Variants in DDX4 observed in about 807,000 individuals in gnomAD.
DDX4 encodes the protein probable ATP-dependent RNA helicase DDX4.
Under a neutral mutation model 100.0 loss-of-function variants are expected in DDX4, and 25 were observed. That is an observed-to-expected ratio of 0.25 (90% CI 0.18 to 0.35). The LOEUF (loss-of-function observed/expected upper bound fraction) is 0.35. Ranked by LOEUF, DDX4 falls within the 10% of genes least tolerant of loss-of-function variation. DDX4 has a pLI of 1.00. For synonymous variants in DDX4, 259 were observed against 275.7 expected (o/e 0.94, Z 0.60); for missense variants, 635 against 882.4 (o/e 0.72, Z 3.55).
At chr5:55,812,156 T>A (rs1009132748) in intron 18 of DDX4, among the ~76,000 whole-genome samples, 5 of 152,232 alleles carry the variant, frequency 3.3e-5, no homozygotes, top group African/African-American at 1.2e-4. Context: ...TCAATTTCTT[T>A]ACTTTCTGAG....
At chr5:55,788,362 G>A (rs993944956) in intron 15 of DDX4, among the ~76,000 whole-genome samples, 4 of 152,070 alleles carry the variant, frequency 2.6e-5, no homozygotes, top group South Asian at 4.1e-4. Context: ...TGTTGTCCTA[G>A]GAGTTTAGGA....
chr5:55,748,750 G>A (rs1348096267), intron 3 of DDX4, among the ~76,000 whole-genome samples: 1 of 152,012 alleles, frequency 6.6e-6, no homozygotes, highest in Non-Finnish European at 1.5e-5. Context: ...GAAAAAGGGA[G>A]AAATAAAATA....
intron 4 of DDX4, 67 bp from the exon 5 acceptor site, chr5:55,763,106 TTC>T: frequency 9.7e-7 from 1 of 1,030,898 alleles, no homozygotes; most frequent in Non-Finnish European, 1.5e-6. Flanking sequence ...ATTCATTTAA[TTC>T]TTAGTTTTTG....
intron 18 of DDX4, among the ~76,000 whole-genome samples, chr5:55,799,427 G>A (rs1743165255): frequency 6.6e-6 from 1 of 152,068 alleles, no homozygotes; most frequent in South Asian, 2.1e-4. Context: ...CAAGGCTGGA[G>A]TGCAGTAGCA....
At chr5:55,809,836 A>G (rs1744007112) in intron 18 of DDX4, among the ~76,000 whole-genome samples, 1 of 152,240 alleles carries the variant, frequency 6.6e-6, no homozygotes, top group Admixed American at 6.5e-5. Flanking sequence ...AAGGTTAGAG[A>G]CGTTTTAAAA....
At chr5:55,790,138 C>CTTT (rs35365600) in intron 15 of DDX4, among the ~76,000 whole-genome samples, 34 of 102,030 alleles carry the variant, frequency 3.3e-4, no homozygotes, top group East Asian at 7.2e-4. Flanking sequence ...AAAATATCAC[C>CTTT]TTTTTTTTTT....
At chr5:55,804,957 A>C (rs1743596491) in intron 18 of DDX4, among the ~76,000 whole-genome samples, 1 of 151,758 alleles carries the variant, frequency 6.6e-6, no homozygotes, top group South Asian at 2.1e-4. Flanking sequence ...ACCCATGAGC[A>C]TGGAATGTTC....
rs751602257 is a variant in DDX4 at position 55,792,633 on chromosome 5, C to A, written c.1303-8C>A. 11 of 1,479,914 alleles carry A rather than the reference C, an allele frequency of 7.4e-6. No homozygotes were observed. The highest frequency in any genetic ancestry group is 4.0e-5 in the South Asian group (3 of 74,982). The allele number at this position is 1,479,914 out of a possible 1,614,324, so 91.7% of individuals were successfully genotyped here. A position where few individuals can be genotyped will look rare whatever the true frequency, so the allele number is the denominator to read the frequency against. On this transcript the variant is annotated splice_region_variant and splice_polypyrimidine_tract_variant and intron_variant, in intron 16 of 21. Transcript: ENST00000505374. The stretch of plus-strand genomic sequence containing the variant: ...TTTTCTGTTTTACCTTTGAAAATAT[C>A]CTTAAAGATTGGTCTCAAACAGATC...
At chr5:55,764,799 A>G (rs957543712) in intron 6 of DDX4, among the ~76,000 whole-genome samples, 27 of 152,186 alleles carry the variant, frequency 1.8e-4, no homozygotes, top group Admixed American at 2.6e-4. Context: ...ATAGAATGGA[A>G]GGTATTCATT....
intron 3 of DDX4, among the ~76,000 whole-genome samples, chr5:55,746,710 T>C (rs1759266549): frequency 6.6e-6 from 1 of 152,144 alleles, no homozygotes; most frequent in South Asian, 2.1e-4. Flanking sequence ...AAGGAACCCA[T>C]ATCCTTCCTG....
In DDX4 at chr5:55,815,156, A is replaced by G. The variant is rs1266542516; in HGVS notation, c.1971A>G (p.Val657=). 1.2e-6 allele frequency: 2 copies of G among 1,614,116 alleles called. No individual in the cohort carries two copies. Among genetic ancestry groups the G allele is most frequent in the Non-Finnish European group, 1.7e-6 (2 of 1,180,002 alleles). Residue 657 remains valine (V), a synonymous_variant, in exon 20 of 22, where the codon GTA becomes GTG. Transcript: ENST00000505374. The part of the protein sequence containing the change: ...ESDNHLAQPL[V]KVLTDAQQDV... ...ATAACCATTTAGCACAGCCTCTAGTAAAAGTATTGACAGATGTAAGTTAAA... is the reference window on the plus strand; with the variant it reads ...ATAACCATTTAGCACAGCCTCTAGTGAAAGTATTGACAGATGTAAGTTAAA...
chr5:55,800,816 T>A (rs1743252275), intron 18 of DDX4, among the ~76,000 whole-genome samples: 1 of 152,232 alleles, frequency 6.6e-6, no homozygotes, highest in African/African-American at 2.4e-5. Context: ...AGTTGATACC[T>A]TTTTAACTTT....
intron 16 of DDX4, 48 bp downstream of exon 16, chr5:55,790,753 T>A: frequency 6.4e-7 from 1 of 1,574,464 alleles, no homozygotes; most frequent in Non-Finnish European, 8.7e-7. Flanking sequence ...ACTTTTTGTT[T>A]GGTATGGGAA....
chr5:55,764,173 C>G (rs1450074396), intron 6 of DDX4, 109 bp downstream of exon 6: 2 of 801,456 alleles, frequency 2.5e-6, no homozygotes, highest in Non-Finnish European at 4.2e-6. Context: ...TTATTTAAAC[C>G]AGATTTTATG....
intron 18 of DDX4, among the ~76,000 whole-genome samples, chr5:55,800,234 C>G (rs942240731): frequency 6.6e-6 from 1 of 151,944 alleles, no homozygotes; most frequent in South Asian, 2.1e-4. Flanking sequence ...AATAACTTGT[C>G]CACCATAAAT....
intron 17 of DDX4, among the ~76,000 whole-genome samples, chr5:55,793,025 TGTG>T (rs1742679806): frequency 9.1e-6 from 1 of 110,406 alleles, no homozygotes; most frequent in East Asian, 2.7e-4. Context: ...ATTTAAAAAG[TGTG>T]TGTGTGTGTG....
rs73127452 is a variant in DDX4, at chr5:55,768,541, G to T, written c.394+601G>T. Among the ~76,000 whole-genome samples, 1,231 of 152,238 alleles carry T rather than the reference G, an allele frequency of 8.1e-3. 14 individuals are homozygous for T. The highest frequency in any genetic ancestry group is 0.028 in the African/African-American group (1,169 of 41,536). On this transcript the variant is annotated intron_variant, in intron 7 of 21. Coordinates refer to ENST00000505374, the MANE Select transcript of DDX4 (RefSeq NM_024415.3). The stretch of plus-strand genomic sequence containing the variant: ...CCAGTCTACTGTTGGTGGGCATTTA[G>T]GTTGATTTCTGTGTTTTTGCTATTG...
At chr5:55,801,082 T>TA (rs1350273316) in intron 18 of DDX4, among the ~76,000 whole-genome samples, 1 of 152,072 alleles carries the variant, frequency 6.6e-6, no homozygotes, top group African/African-American at 2.4e-5. Flanking sequence ...AAAGGAGAAT[T>TA]AAAAAAATAC....
intron 7 of DDX4, among the ~76,000 whole-genome samples, chr5:55,776,476 T>C (rs1561496041): frequency 6.6e-6 from 1 of 152,208 alleles, no homozygotes; most frequent in Non-Finnish European, 1.5e-5. Flanking sequence ...CCCTTATGCA[T>C]GTATTGAAAT....
Sources: allele counts gnomAD v4.1 joint callset (sites outside exome capture counted in the v4.1 genomes callset), GRCh38; gene constraint gnomAD v4.1.1; transcripts MANE v1.5; gene names NCBI Gene and HGNC (gene_info 2026-07-23, HGNC 2026-07-21).